Variants in STS observed in about 807,000 individuals in gnomAD.
The protein encoded by STS is steryl-sulfatase.
Under a neutral mutation model 26.8 loss-of-function variants are expected in STS, and 7 were observed. The observed-to-expected ratio is 0.26, with a 90% CI of 0.15 to 0.49. The LOEUF (loss-of-function observed/expected upper bound fraction) is 0.49, where lower values mean the gene tolerates loss of function less well. Among genes scored for constraint, STS ranks in the 20% least tolerant of loss-of-function variants. The probability of loss-of-function intolerance (pLI) is 0.98; values close to 1 mark genes in which losing one functional copy is unlikely to be tolerated. For missense variants in STS, 434 were observed against 465.6 expected, an observed-to-expected ratio of 0.93 and a Z score of 0.63; for synonymous variants, 199 against 189.4, an observed-to-expected ratio of 1.05 and a Z score of -0.42.
intron 6 of STS, among the ~76,000 whole-genome samples, chrX:7,271,447 C>T (rs940088098): frequency 1.2e-4 from 13 of 110,719 alleles, no homozygotes; most frequent in South Asian, 3.9e-4. Flanking sequence ...CTCTGTGTGG[C>T]CAAGCTCTCT....
At chrX:7,261,552 AG>A (rs1923749226) in intron 6 of STS, among the ~76,000 whole-genome samples, 2 of 111,456 alleles carry the variant, frequency 1.8e-5, no homozygotes, top group Non-Finnish European at 3.8e-5. Context: ...CTCACATGGA[AG>A]ATGTTGTGTT....
At chrX:7,304,575 C>T (rs1926126779) in intron 7 of STS, among the ~76,000 whole-genome samples, 1 of 111,675 alleles carries the variant, frequency 9.0e-6, no homozygotes, top group African/African-American at 3.3e-5. Context: ...AGAATATTCT[C>T]ATAAAATATC....
At chrX:7,323,256 G>A (rs1471535875) in intron 8 of STS, among the ~76,000 whole-genome samples, 1 of 110,017 alleles carries the variant, frequency 9.1e-6, no homozygotes, top group Non-Finnish European at 1.9e-5. Context: ...GATTCAGTGG[G>A]TACGTGTGCT....
At chrX:7,246,262 C>CTT (rs373058144) in intron 2 of STS, among the ~76,000 whole-genome samples, 1 of 95,762 alleles carries the variant, frequency 1.0e-5, no homozygotes, top group Non-Finnish European at 2.1e-5. Context: ...TTGGGAGAGA[C>CTT]TTTTTTTTTT....
At chrX:7,301,687 C>T (rs1388636965) in intron 7 of STS, among the ~76,000 whole-genome samples, 1 of 111,090 alleles carries the variant, frequency 9.0e-6, no homozygotes, top group East Asian at 2.9e-4. Flanking sequence ...TTCACTGCCC[C>T]CAAAATCCTC....
At chrX:7,205,146 T>C (rs1391693357) in intron 2 of STS, among the ~76,000 whole-genome samples, 2 of 112,059 alleles carry the variant, frequency 1.8e-5, no homozygotes, top group African/African-American at 6.5e-5. Context: ...TTTTGGGCAA[T>C]TGCACAATCA....
At chrX:7,186,916 G>A (rs184133848) in intron 1 of STS, among the ~76,000 whole-genome samples, 120 of 111,708 alleles carry the variant, frequency 1.1e-3, no homozygotes, top group African/African-American at 3.5e-3. Context: ...TTGAGGCCAA[G>A]GGAGGAGTTG....
chrX:7,176,876 C>A (rs1933581354), intron 1 of STS, among the ~76,000 whole-genome samples: 1 of 111,628 alleles, frequency 9.0e-6, no homozygotes, highest in Admixed American at 9.5e-5. Context: ...CAAACCATAT[C>A]AATAGGTGAG....
chrX:7,227,355 T>TA (rs1383632488), intron 2 of STS, among the ~76,000 whole-genome samples: 2 of 111,270 alleles, frequency 1.8e-5, no homozygotes, highest in Admixed American at 9.6e-5. Flanking sequence ...TAGAAGCATC[T>TA]AAAAAAACCA....
chrX:7,259,240 T>G (rs545922339), intron 5 of STS, 109 bp from the exon 6 acceptor site: 11 of 858,506 alleles, frequency 1.3e-5, no homozygotes, highest in African/African-American at 9.8e-5. Flanking sequence ...GAAGGCTAGC[T>G]TCATGAAATA....
At chrX:7,301,881 T>G (rs774472942) in intron 7 of STS, among the ~76,000 whole-genome samples, 3 of 112,175 alleles carry the variant, frequency 2.7e-5, no homozygotes, top group Non-Finnish European at 5.6e-5. Context: ...TTTCATGGCT[T>G]TATAGCTCAT....
At chrX:7,261,448 G>A (rs758891518) in intron 6 of STS, among the ~76,000 whole-genome samples, 1 of 112,331 alleles carries the variant, frequency 8.9e-6, no homozygotes, top group South Asian at 3.7e-4. Flanking sequence ...CCTAAGAAGA[G>A]AATACATAGT....
chrX:7,151,778 C>G (rs1346341993), intron 1 of STS, among the ~76,000 whole-genome samples: 1 of 110,661 alleles, frequency 9.0e-6, no homozygotes, highest in African/African-American at 3.3e-5. Flanking sequence ...GCCAGCATCC[C>G]CTGGGAGCTC....
intron 9 of STS, among the ~76,000 whole-genome samples, chrX:7,326,113 A>G (rs1334140140): frequency 2.7e-5 from 3 of 110,687 alleles, no homozygotes; most frequent in African/African-American, 3.3e-5. Flanking sequence ...GTAGAGTGGG[A>G]CTGAGAGACA....
In STS at chrX:7,354,600, C is replaced by T. The variant is rs1194236130; in HGVS notation, c.*4339C>T. The T allele has an allele frequency of 9.0e-6, 1 of 111,688 alleles. No individual in the cohort carries two copies. Among genetic ancestry groups the T allele is most frequent in the Non-Finnish European group, 1.9e-5 (1 of 53,225 alleles). The allele number at this position is 111,688 out of a possible 1,213,427, so 9.2% of individuals were successfully genotyped here. On this transcript the variant is annotated 3_prime_UTR_variant, in exon 11 of 11. Coordinates refer to ENST00000674429, the MANE Select transcript of STS (RefSeq NM_001320752.2). ...AAGCCAGTGTTGCTTAATACCATCT[C>T]TTTGTGTAATAGATCTGAATAAAGT...
At chrX:7,192,271 C>T (rs1414339697) in intron 2 of STS, among the ~76,000 whole-genome samples, 3 of 111,897 alleles carry the variant, frequency 2.7e-5, no homozygotes, top group Admixed American at 1.9e-4. Context: ...TTGTAAAAAG[C>T]GACTTAAAGA....
intron 6 of STS, among the ~76,000 whole-genome samples, chrX:7,267,019 A>G (rs948947557): frequency 2.7e-5 from 3 of 112,352 alleles, no homozygotes; most frequent in Non-Finnish European, 5.6e-5. Context: ...AAATCCTTTG[A>G]ATGAACAAAG....
At chrX:7,214,933 A>G (rs186447767) in intron 2 of STS, among the ~76,000 whole-genome samples, 2,897 of 93,339 alleles carry the variant, frequency 0.031, 78 homozygotes, top group African/African-American at 0.077. Flanking sequence ...GTGTGTGTGT[A>G]TATATATATA....
chrX:7,289,608 A>G (rs759069344), intron 7 of STS, among the ~76,000 whole-genome samples: 1 of 111,452 alleles, frequency 9.0e-6, no homozygotes, highest in South Asian at 3.8e-4. Context: ...ATCCAGGTGT[A>G]CAGCCATGTC....
Sources: gnomAD v4.1 joint callset for allele counts (sites outside exome capture counted in the v4.1 genomes callset) on GRCh38, gnomAD v4.1.1 for gene constraint, MANE v1.5 for transcripts, NCBI Gene and HGNC (gene_info 2026-07-23, HGNC 2026-07-21) for gene names.